The following CPLANE1 variants were observed in gnomAD, a reference collection of about 807,000 sequenced individuals.
CPLANE1 encodes ciliogenesis and planar polarity effector 1.
In CPLANE1, 263 loss-of-function variants were observed where a neutral mutation model predicts 362.5. The observed-to-expected ratio is 0.73, with a 90% confidence interval of 0.66 to 0.80. CPLANE1 has a LOEUF of 0.80. Among genes scored for constraint, CPLANE1 ranks in the 30% least tolerant of loss-of-function variants. The probability of loss-of-function intolerance (pLI) is 0.00; values close to 1 mark genes in which losing one functional copy is unlikely to be tolerated. For missense variants in CPLANE1, 3,461 were observed against 3,793.4 expected (o/e 0.91, Z 2.30); for synonymous variants, 1,212 against 1,302.6 (o/e 0.93, Z 1.50).
chr5:37,173,950 G>T lies in CPLANE1; in HGVS notation c.5979-3C>A. ...CTTTATATGTAGAAATCTGTGCACTGCGTGGAAAGCATTTAAATAAAAAAC... is the reference window on the plus strand; with the variant it reads ...CTTTATATGTAGAAATCTGTGCACTTCGTGGAAAGCATTTAAATAAAAAAC... On this transcript the variant is annotated splice_polypyrimidine_tract_variant and splice_region_variant and intron_variant, in intron 31 of 52. Transcript: ENST00000651892. 6.2e-7 allele frequency: 1 copy of T among 1,604,018 alleles called. No homozygotes were observed. Among genetic ancestry groups the T allele is most frequent in the South Asian group, 1.1e-5 (1 of 89,974 alleles).
At chr5:37,177,542 G>A (rs1781512571) in intron 30 of CPLANE1, 79 bp downstream of exon 30, 3 of 1,010,814 alleles carry the variant, frequency 3.0e-6, no homozygotes, top group African/African-American at 1.6e-5. Flanking sequence ...ATCATGTATT[G>A]TAAATTATGA....
At chr5:37,216,809 T>C (rs1021778830) in intron 15 of CPLANE1, among the ~76,000 whole-genome samples, 6 of 152,310 alleles carry the variant, frequency 3.9e-5, no homozygotes, top group East Asian at 1.9e-4. Flanking sequence ...GCTCCAACAA[T>C]AGAAAGGTAT....
chr5:37,221,254 A>C, intron 15 of CPLANE1, 70 bp downstream of exon 15: 1 of 1,055,594 alleles, frequency 9.5e-7, no homozygotes, highest in Non-Finnish European at 1.3e-6. Flanking sequence ...AGGGGTTTGA[A>C]GCCAGGCTGG....
intron 46 of CPLANE1, among the ~76,000 whole-genome samples, chr5:37,137,858 C>A (rs897000292): frequency 4.0e-5 from 6 of 151,896 alleles, no homozygotes; most frequent in African/African-American, 1.5e-4. Flanking sequence ...ATGGGAACTA[C>A]AATTCAAGCT....
chr5:37,248,611 A>G (rs1481164039), intron 1 of CPLANE1, among the ~76,000 whole-genome samples: 1 of 152,180 alleles, frequency 6.6e-6, no homozygotes, highest in Non-Finnish European at 1.5e-5. Context: ...TGTGCCTGTG[A>G]GAGCCACTGC....
At chr5:37,191,477 C>G (rs892283465) in intron 21 of CPLANE1, among the ~76,000 whole-genome samples, 1 of 152,126 alleles carries the variant, frequency 6.6e-6, no homozygotes, top group Admixed American at 6.6e-5. Flanking sequence ...CCAAGATCAG[C>G]CTGGGCAACG....
chr5:37,165,754 G>C (rs1263919156), intron 35 of CPLANE1, 83 bp from the exon 36 acceptor site: 1 of 1,273,834 alleles, frequency 7.9e-7, no homozygotes, highest in African/African-American at 1.5e-5. Context: ...TAGGGATACA[G>C]TTGACAAAAT....
At chr5:37,186,143 T>C in intron 24 of CPLANE1, 143 bp downstream of exon 24, 1 of 492,560 alleles carries the variant, frequency 2.0e-6, no homozygotes, top group South Asian at 3.6e-5. Context: ...AATGGAGAAA[T>C]GTTTCTACCT....
At chr5:37,111,126 C>T (rs1241774053) in intron 51 of CPLANE1, among the ~76,000 whole-genome samples, 1 of 139,512 alleles carries the variant, frequency 7.2e-6, no homozygotes, top group Non-Finnish European at 1.5e-5. Context: ...ACTTTCTATT[C>T]TTTTTTTGTT....
chr5:37,153,674 G>A, intron 42 of CPLANE1, 66 bp downstream of exon 42: 1 of 1,502,820 alleles, frequency 6.7e-7, no homozygotes, highest in Non-Finnish European at 9.0e-7. Context: ...GGTATCCAAA[G>A]TTATATCACA....
chr5:37,238,393 G>C (rs1039966255), intron 8 of CPLANE1, among the ~76,000 whole-genome samples: 14 of 151,140 alleles, frequency 9.3e-5, no homozygotes, highest in African/African-American at 3.2e-4. Flanking sequence ...ATTTTGGCCA[G>C]GCTGGTCTCA....
chr5:37,112,489 T>C (rs2149935921), intron 51 of CPLANE1, among the ~76,000 whole-genome samples: 1 of 152,224 alleles, frequency 6.6e-6, no homozygotes, highest in South Asian at 2.1e-4. Context: ...CTTTCTGAAG[T>C]GAAAGGTAAG....
At chr5:37,233,462 G>C (rs918375068) in intron 8 of CPLANE1, among the ~76,000 whole-genome samples, 3 of 152,050 alleles carry the variant, frequency 2.0e-5, no homozygotes, top group African/African-American at 7.2e-5. Context: ...CTTGGGCTGA[G>C]TTTGGGTTGA....
intron 8 of CPLANE1, among the ~76,000 whole-genome samples, chr5:37,235,545 G>A (rs553004771): frequency 4.0e-5 from 6 of 149,930 alleles, no homozygotes; most frequent in Admixed American, 3.3e-4. Flanking sequence ...AACAAAGCTG[G>A]AGGTATCATA....
At chr5:37,162,302 G>GA (rs1777046111) in intron 38 of CPLANE1, among the ~76,000 whole-genome samples, 163 bp downstream of exon 38, 2 of 152,276 alleles carry the variant, frequency 1.3e-5, no homozygotes, top group South Asian at 4.1e-4. Flanking sequence ...TTATCAATTT[G>GA]ATTTCTACAG....
chr5:37,112,363 G>A (rs913859494), intron 51 of CPLANE1, among the ~76,000 whole-genome samples: 2 of 152,102 alleles, frequency 1.3e-5, no homozygotes, highest in Admixed American at 1.3e-4. Context: ...CATTTTTCCA[G>A]GGTTTATCTG....
In CPLANE1 at chr5:37,158,762, T is replaced by C. The variant is rs79775340; in HGVS notation, c.7691-417A>G. Among the ~76,000 whole-genome samples the C allele has an allele frequency of 5.9e-3, 895 of 152,134 alleles. 11 individuals are homozygous for C. The highest frequency in any genetic ancestry group is 0.02 in the African/African-American group (847 of 41,484). ...CTTTCTTGTTATTTGCTTATTTTTA[T>C]TGACAGCTTTATTGAAACATAATTC... On this transcript the variant is annotated intron_variant, in intron 38 of 52. Coordinates refer to ENST00000651892, the MANE Select transcript of CPLANE1 (RefSeq NM_001384732.1).
intron 33 of CPLANE1, among the ~76,000 whole-genome samples, chr5:37,169,787 C>A (rs537599513): frequency 6.6e-6 from 1 of 151,854 alleles, no homozygotes; most frequent in East Asian, 1.9e-4. Context: ...AGTACAGTGA[C>A]ATGATCTCGG....
At chr5:37,205,868 G>A (rs1253918206) in intron 17 of CPLANE1, among the ~76,000 whole-genome samples, 12 of 152,086 alleles carry the variant, frequency 7.9e-5, no homozygotes. Context: ...CACGATCATC[G>A]CCCCTGGCTA....
Sources: allele counts gnomAD v4.1 joint callset (sites outside exome capture counted in the v4.1 genomes callset), GRCh38; gene constraint gnomAD v4.1.1; transcripts MANE v1.5; gene names NCBI Gene and HGNC (gene_info 2026-07-23, HGNC 2026-07-21).